Variants in AUTS2 observed in about 807,000 individuals in gnomAD.
AUTS2 encodes the protein autism susceptibility gene 2 protein.
AUTS2 carries 17 observed loss-of-function variants against 112.4 expected under a neutral mutation model. The ratio of observed to expected loss-of-function variants is 0.15; its 90% CI spans 0.10 to 0.23. The LOEUF is 0.23. AUTS2 is among the 10% of genes least tolerant of loss of function. The pLI is 1.00. For missense variants in AUTS2, 1,510 were observed against 1,701.6 expected, an observed-to-expected ratio of 0.89 and a Z score of 1.98; for synonymous variants, 751 against 702.7, an observed-to-expected ratio of 1.07 and a Z score of -1.09.
rs372874644 is a variant in AUTS2, at chr7:70,588,938, C to T, written c.691-109631C>T. ...TTTCTGGAGTTTTTCTTTAGAAACC[C>T]TTCCATTCTGAGATCTAAGCATATT... On this transcript the variant is annotated intron_variant, in intron 5 of 18. Transcript: ENST00000342771. 2.2e-4 allele frequency among the ~76,000 whole-genome samples: 34 copies of T among 152,226 alleles called. No individual in the cohort carries two copies. The East Asian group carries it at 5.6e-3, about 25-fold the overall frequency.
chr7:69,979,503 G>A (rs1798204754), intron 2 of AUTS2, among the ~76,000 whole-genome samples: 1 of 152,150 alleles, frequency 6.6e-6, no homozygotes, highest in Non-Finnish European at 1.5e-5. Flanking sequence ...TTTCAAGTTA[G>A]TACAAGGAGG....
At chr7:70,683,601 G>A (rs1478132505) in intron 5 of AUTS2, among the ~76,000 whole-genome samples, 1 of 152,220 alleles carries the variant, frequency 6.6e-6, no homozygotes, top group Non-Finnish European at 1.5e-5. Context: ...GTTTCCATTA[G>A]GAAGCATTCA....
At chr7:70,275,185 A>T (rs1186913179) in intron 4 of AUTS2, among the ~76,000 whole-genome samples, 1 of 152,222 alleles carries the variant, frequency 6.6e-6, no homozygotes, top group Admixed American at 6.5e-5. Flanking sequence ...GACATGAGCT[A>T]CCATGCTCAG....
At chr7:70,639,195 T>G (rs1188691435) in intron 5 of AUTS2, among the ~76,000 whole-genome samples, 2 of 152,190 alleles carry the variant, frequency 1.3e-5, no homozygotes, top group Admixed American at 6.5e-5. Context: ...AAAGTCTGGT[T>G]TCTTTTATAG....
chr7:70,516,314 G>T (rs1799416468), intron 5 of AUTS2, among the ~76,000 whole-genome samples: 1 of 152,096 alleles, frequency 6.6e-6, no homozygotes, highest in Non-Finnish European at 1.5e-5. Flanking sequence ...CAGGATTTAG[G>T]CAGGAATCTG....
chr7:70,737,059 T>C (rs1282246522), intron 6 of AUTS2, among the ~76,000 whole-genome samples: 1 of 152,248 alleles, frequency 6.6e-6, no homozygotes, highest in Non-Finnish European at 1.5e-5. Context: ...TACTCATAAC[T>C]GCTTACAAGG....
chr7:70,720,231 AG>A (rs1336624341), intron 6 of AUTS2, among the ~76,000 whole-genome samples: 1 of 151,866 alleles, frequency 6.6e-6, no homozygotes, highest in African/African-American at 2.4e-5. Context: ...CCAGGGTGAC[AG>A]GAAGATTTAC....
chr7:70,632,829 C>G (rs2129538596), intron 5 of AUTS2, among the ~76,000 whole-genome samples: 1 of 152,222 alleles, frequency 6.6e-6, no homozygotes, highest in South Asian at 2.1e-4. Context: ...CTTCTGTGGG[C>G]TGCAGAGGAC....
chr7:70,290,744 A>C lies in AUTS2; in HGVS notation c.661-145008A>C, dbSNP rs1411877333. The C allele has an allele frequency of 8.0e-6, 8 of 1,003,154 alleles. No individual in the cohort carries two copies. The South Asian group carries it at 2.0e-4, about 25-fold the overall frequency. 62.1% of individuals were successfully genotyped at this position (1,003,154 alleles called of 1,614,324 possible). ...CAGCTGGGATTTTTGGCATTAAGCT[A>C]TGACTGTAACGTTTCTACTAATAAA... On this transcript the variant is annotated intron_variant, in intron 4 of 18. Coordinates refer to ENST00000342771, the MANE Select transcript of AUTS2 (RefSeq NM_015570.4).
chr7:70,654,803 G>C (rs547651089), intron 5 of AUTS2, among the ~76,000 whole-genome samples: 1 of 152,204 alleles, frequency 6.6e-6, no homozygotes, highest in South Asian at 2.1e-4. Context: ...TTTCTGTCTT[G>C]GTACTTTCTC....
chr7:70,474,400 C>T (rs1455482736), intron 5 of AUTS2, among the ~76,000 whole-genome samples: 4 of 152,142 alleles, frequency 2.6e-5, no homozygotes, highest in African/African-American at 7.2e-5. Context: ...TTCCAGAGGC[C>T]GACTCCAGAC....
chr7:69,985,247 A>T (rs1798460606), intron 2 of AUTS2, among the ~76,000 whole-genome samples: 1 of 148,846 alleles, frequency 6.7e-6, no homozygotes, highest in East Asian at 2.0e-4. Context: ...AAAAAAAAAA[A>T]GAAAGGAAAA....
At chr7:69,603,966 C>T (rs557965268) in intron 1 of AUTS2, among the ~76,000 whole-genome samples, 77 of 152,222 alleles carry the variant, frequency 5.1e-4, no homozygotes, top group African/African-American at 1.7e-3. Context: ...TTTGCAAATC[C>T]ATTATTTTTC....
chr7:70,335,945 A>G (rs1453942252), intron 4 of AUTS2, among the ~76,000 whole-genome samples: 1 of 152,200 alleles, frequency 6.6e-6, no homozygotes, highest in Non-Finnish European at 1.5e-5. Flanking sequence ...GTGATTAACC[A>G]AGACTTGACA....
chr7:69,850,787 G>A (rs957350263), intron 1 of AUTS2, among the ~76,000 whole-genome samples: 1 of 152,164 alleles, frequency 6.6e-6, no homozygotes, highest in Non-Finnish European at 1.5e-5. Context: ...TATTTTCTCA[G>A]TCTGGAGCTT....
intron 4 of AUTS2, among the ~76,000 whole-genome samples, chr7:70,229,537 G>A (rs1811937541): frequency 6.6e-6 from 1 of 152,078 alleles, no homozygotes; most frequent in Admixed American, 6.5e-5. Flanking sequence ...TATGAAATGT[G>A]TAGATGTGGA....
intron 6 of AUTS2, among the ~76,000 whole-genome samples, chr7:70,735,233 G>T (rs906403415): frequency 6.6e-6 from 1 of 152,182 alleles, no homozygotes; most frequent in Non-Finnish European, 1.5e-5. Flanking sequence ...TGGGAGATGT[G>T]TTTGGTTCCC....
intron 4 of AUTS2, among the ~76,000 whole-genome samples, chr7:70,295,239 C>T (rs1788879522): frequency 6.6e-6 from 1 of 152,198 alleles, no homozygotes; most frequent in South Asian, 2.1e-4. Flanking sequence ...CAGCACCTAT[C>T]TGTCTATTAA....
intron 2 of AUTS2, among the ~76,000 whole-genome samples, chr7:70,069,223 A>C (rs1172753801): frequency 6.6e-6 from 1 of 152,162 alleles, no homozygotes; most frequent in Non-Finnish European, 1.5e-5. Context: ...TTTCAAGTGG[A>C]TAGAGCTAGT....
Sources: gnomAD v4.1 joint callset for allele counts (sites outside exome capture counted in the v4.1 genomes callset) on GRCh38, gnomAD v4.1.1 for gene constraint, MANE v1.5 for transcripts, NCBI Gene and HGNC (gene_info 2026-07-23, HGNC 2026-07-21) for gene names.